The following SENP6 variants were observed in gnomAD, a reference collection of about 807,000 sequenced individuals.
The protein encoded by SENP6 is SUMO specific peptidase 6, also known as sentrin-specific protease 6.
Under a neutral mutation model 134.5 loss-of-function variants are expected in SENP6, and 41 were observed. The observed-to-expected ratio is 0.30, with a 90% CI of 0.24 to 0.40. The LOEUF is 0.40. SENP6 is among the 10% of genes least tolerant of loss of function. SENP6 has a pLI of 1.00. For missense variants in SENP6, 1,248 were observed against 1,312.5 expected (o/e 0.95, Z 0.76); for synonymous variants, 395 against 429.8 (o/e 0.92, Z 1.00).
At position 75,676,008 on chromosome 6, in the gene SENP6, G is replaced by A. The variant is rs1181892730; in HGVS notation, c.1575G>A (p.Lys525=). Reference sequence around the variant, plus strand: ...TGAGCATCCAACTGCAAATGAATAAGGAGGATAAAGTTTGGAATGATTGTA... The same window carrying A: ...TGAGCATCCAACTGCAAATGAATAAAGAGGATAAAGTTTGGAATGATTGTA... ...QKLSIQLQMN[K]EDKVWNDCKG... Residue 525 remains lysine, a synonymous_variant, in exon 13 of 24, where the codon AAG becomes AAA. Coordinates refer to ENST00000447266, the MANE Select transcript of SENP6 (RefSeq NM_015571.4). 6.2e-7 allele frequency: 1 copy of A among 1,609,976 alleles called. No individual in the cohort carries two copies. The highest frequency in any genetic ancestry group is 8.5e-7 in the Non-Finnish European group (1 of 1,178,596).
At chr6:75,671,725 A>G (rs1772692443) in intron 11 of SENP6, among the ~76,000 whole-genome samples, 2 of 152,242 alleles carry the variant, frequency 1.3e-5, no homozygotes, top group Non-Finnish European at 2.9e-5. Flanking sequence ...CTGTCTCAAA[A>G]AACAGAAAAA....
intron 3 of SENP6, among the ~76,000 whole-genome samples, chr6:75,630,473 C>G (rs1442052165): frequency 6.6e-6 from 1 of 152,164 alleles, no homozygotes; most frequent in African/African-American, 2.4e-5. Flanking sequence ...TGACTGAAGT[C>G]CCTTACTTAT....
chr6:75,652,683 C>CAAAAAAAAAA (rs71002754), intron 7 of SENP6, among the ~76,000 whole-genome samples: 1,109 of 75,726 alleles, frequency 0.015, 23 homozygotes, highest in South Asian at 0.023. Context: ...CTAAAAATCT[C>CAAAAAAAAAA]AAAAAAAAAA....
intron 16 of SENP6, among the ~76,000 whole-genome samples, chr6:75,683,193 G>C (rs1406411341): frequency 6.6e-6 from 1 of 152,114 alleles, no homozygotes; most frequent in African/African-American, 2.4e-5. Flanking sequence ...TCTGTTCGCT[G>C]TATAGATGTC....
At chr6:75,617,524 C>A (rs939196789) in intron 1 of SENP6, among the ~76,000 whole-genome samples, 1 of 151,844 alleles carries the variant, frequency 6.6e-6, no homozygotes, top group Non-Finnish European at 1.5e-5. Context: ...CGCCCGCCTC[C>A]GCCTCCACCT....
At chr6:75,659,459 A>T in intron 8 of SENP6, 52 bp downstream of exon 8, 2 of 1,485,230 alleles carry the variant, frequency 1.3e-6, no homozygotes, top group South Asian at 1.2e-5. Flanking sequence ...TTTGATTAAT[A>T]TTAGTTTCAG....
chr6:75,653,834 G>A (rs148734448), intron 7 of SENP6, among the ~76,000 whole-genome samples: 43 of 152,292 alleles, frequency 2.8e-4, no homozygotes, highest in African/African-American at 1.0e-3. Flanking sequence ...ACATACTGTT[G>A]TAGAGTCAGA....
At chr6:75,693,409 TA>T (rs534341760) in intron 16 of SENP6, among the ~76,000 whole-genome samples, 1,765 of 123,956 alleles carry the variant, frequency 0.014, 10 homozygotes, top group African/African-American at 0.026. Flanking sequence ...GTCTGAAATT[TA>T]AAAAAAAAAA....
rs1562073188 is a variant in SENP6, at chr6:75,705,924, C to CTTTTTTTTTTTTTTTTT, written c.2716+2852_2716+2853insTTTTTTTTTTTTTTTTT. Among the ~76,000 whole-genome samples, 607 of 89,268 alleles carry CTTTTTTTTTTTTTTTTT rather than the reference C, an allele frequency of 6.8e-3. 204 individuals are homozygous for CTTTTTTTTTTTTTTTTT. Among genetic ancestry groups the CTTTTTTTTTTTTTTTTT allele is most frequent in the Non-Finnish European group, 9.9e-3 (457 of 46,094 alleles). The allele number at this position is 89,268 out of a possible 152,430, so 58.6% of individuals were successfully genotyped here. On this transcript the variant is annotated intron_variant, in intron 19 of 23. Transcript: ENST00000447266. ...AGTGAGTTAGAAAGCTATTTTTGAGCCTTTTTTTTTTTTTTTTTTTTTTTT... is the reference window on the plus strand; with the variant it reads ...AGTGAGTTAGAAAGCTATTTTTGAGCTTTTTTTTTTTTTTTTTCTTTTTTTTTTTTTTTTTTTTTTTT...
intron 3 of SENP6, among the ~76,000 whole-genome samples, chr6:75,632,350 A>T (rs1271133585): frequency 6.6e-6 from 1 of 152,198 alleles, no homozygotes; most frequent in East Asian, 1.9e-4. Flanking sequence ...GTATTTTTGG[A>T]TAAGTCCTGT....
chr6:75,618,612 G>A (rs1456245670), intron 1 of SENP6, among the ~76,000 whole-genome samples: 1 of 152,136 alleles, frequency 6.6e-6, no homozygotes, highest in African/African-American at 2.4e-5. Flanking sequence ...CTACTGGGGT[G>A]TCACTGCTTC....
intron 11 of SENP6, among the ~76,000 whole-genome samples, chr6:75,674,926 T>C (rs1772970941): frequency 6.6e-6 from 1 of 152,220 alleles, no homozygotes; most frequent in Admixed American, 6.5e-5. Context: ...TCTTGTTTTT[T>C]AATACATTTC....
chr6:75,637,228 T>C (rs1769591165), intron 5 of SENP6, among the ~76,000 whole-genome samples: 1 of 152,192 alleles, frequency 6.6e-6, no homozygotes, highest in African/African-American at 2.4e-5. Context: ...TGGTAATTCA[T>C]ACATAGTGTA....
chr6:75,650,556 A>G (rs1413778729), intron 7 of SENP6, among the ~76,000 whole-genome samples: 1 of 152,056 alleles, frequency 6.6e-6, no homozygotes, highest in Admixed American at 6.6e-5. Context: ...CCTTCCTGAT[A>G]TATTTATTGA....
intron 3 of SENP6, among the ~76,000 whole-genome samples, chr6:75,629,184 G>T (rs1311029373): frequency 6.6e-6 from 1 of 152,176 alleles, no homozygotes; most frequent in Non-Finnish European, 1.5e-5. Context: ...TAGTATACTT[G>T]TTACTTTTAG....
intron 16 of SENP6, among the ~76,000 whole-genome samples, chr6:75,685,522 G>A (rs1393853734): frequency 2.0e-5 from 3 of 152,146 alleles, no homozygotes; most frequent in African/African-American, 7.2e-5. Context: ...TGGGCATTTA[G>A]TGCTATTAAT....
intron 11 of SENP6, among the ~76,000 whole-genome samples, chr6:75,674,933 T>C (rs1014147630): frequency 6.6e-6 from 1 of 152,224 alleles, no homozygotes; most frequent in African/African-American, 2.4e-5. Context: ...TTTTAATACA[T>C]TTCAAAATAC....
In SENP6 at chr6:75,715,741, C is replaced by T. The variant is rs1775992513; in HGVS notation, c.*147C>T. On this transcript the variant is annotated 3_prime_UTR_variant, in exon 24 of 24. Transcript: ENST00000447266. Reference sequence around the variant, plus strand: ...ATGTCAGATAATTAATTTCCAAAGGCGTATGTATTAAGTAAAAGTCTGTAA... The same window carrying T: ...ATGTCAGATAATTAATTTCCAAAGGTGTATGTATTAAGTAAAAGTCTGTAA... 7.1e-6 allele frequency: 4 copies of T among 562,790 alleles called. No homozygotes were observed. The highest frequency in any genetic ancestry group is 1.2e-5 in the Non-Finnish European group (4 of 329,688). 34.9% of individuals were successfully genotyped at this position (562,790 alleles called of 1,614,324 possible). A position where few individuals can be genotyped will look rare whatever the true frequency, so the allele number is the denominator to read the frequency against.
Position 75,716,409 on chromosome 6 carries a change from A to G in SENP6, c.*815A>G, listed in dbSNP as rs994028002. 2.6e-5 allele frequency: 4 copies of G among 152,020 alleles called. No individual in the cohort carries two copies. The highest frequency in any genetic ancestry group is 4.4e-5 in the Non-Finnish European group (3 of 67,878). The allele number at this position is 152,020 out of a possible 1,614,324, so 9.4% of individuals were successfully genotyped here. On this transcript the variant is annotated 3_prime_UTR_variant, in exon 24 of 24. Transcript: ENST00000447266. ...ATCTGTGTCATATAGTTAATTGATA[A>G]GCATTTTTAATCTGTGTAAACACAG... is the stretch of plus-strand genomic sequence containing the variant.
Sources: gnomAD v4.1 joint callset for allele counts (sites outside exome capture counted in the v4.1 genomes callset) on GRCh38, gnomAD v4.1.1 for gene constraint, MANE v1.5 for transcripts, NCBI Gene and HGNC (gene_info 2026-07-23, HGNC 2026-07-21) for gene names.